GRIA1: variants seen among roughly 807,000 people sequenced by gnomAD.
GRIA1 encodes glutamate receptor 1.
In GRIA1, 31 loss-of-function variants were observed where a neutral mutation model predicts 99.2. That is an observed-to-expected ratio of 0.31 (90% CI 0.23 to 0.42). GRIA1 has a LOEUF of 0.42. Ranked by LOEUF, GRIA1 falls within the 10% of genes least tolerant of loss-of-function variation. The pLI is 1.00. For synonymous variants in GRIA1, 438 were observed against 432.4 expected, an observed-to-expected ratio of 1.01 and a Z score of -0.16; for missense variants, 782 against 1,157.5, an observed-to-expected ratio of 0.68 and a Z score of 4.71.
chr5:153,723,777 A>T (rs1197489134), intron 11 of GRIA1, among the ~76,000 whole-genome samples: 7 of 151,674 alleles, frequency 4.6e-5, no homozygotes, highest in Admixed American at 4.6e-4. Context: ...CAGCTCAAGG[A>T]GGCCTGCCTG....
chr5:153,690,319 G>T (rs1253785910), intron 8 of GRIA1, among the ~76,000 whole-genome samples: 1 of 151,904 alleles, frequency 6.6e-6, no homozygotes, highest in Non-Finnish European at 1.5e-5. Context: ...CACTGACAGG[G>T]TGGCTAAGAG....
At chr5:153,630,799 A>T (rs977678542) in intron 2 of GRIA1, among the ~76,000 whole-genome samples, 1 of 152,202 alleles carries the variant, frequency 6.6e-6, no homozygotes, top group African/African-American at 2.4e-5. Flanking sequence ...CCCCAGTTGT[A>T]GGCTATGTAG....
At chr5:153,619,791 C>T (rs1398470391) in intron 2 of GRIA1, among the ~76,000 whole-genome samples, 4 of 152,118 alleles carry the variant, frequency 2.6e-5, no homozygotes, top group Admixed American at 2.6e-4. Context: ...AAATCTGAGG[C>T]AGGTCAGGGA....
At chr5:153,629,498 C>T (rs757323080) in intron 2 of GRIA1, among the ~76,000 whole-genome samples, 37 of 152,212 alleles carry the variant, frequency 2.4e-4, no homozygotes, top group Non-Finnish European at 4.8e-4. Context: ...TCTCCTGCTC[C>T]CCTGAAACCA....
intron 2 of GRIA1, among the ~76,000 whole-genome samples, chr5:153,558,801 A>T (rs1760871813): frequency 6.6e-6 from 1 of 152,146 alleles, no homozygotes; most frequent in Non-Finnish European, 1.5e-5. Context: ...TAATGTATCT[A>T]TAATTTTTTT....
At chr5:153,614,066 T>A (rs1766248894) in intron 2 of GRIA1, among the ~76,000 whole-genome samples, 1 of 152,204 alleles carries the variant, frequency 6.6e-6, no homozygotes, top group Non-Finnish European at 1.5e-5. Flanking sequence ...CATACATAGG[T>A]GCACACACCT....
intron 13 of GRIA1, among the ~76,000 whole-genome samples, chr5:153,788,735 G>A (rs7726352): frequency 0.3 from 46,290 of 152,064 alleles, 7,490 homozygotes; most frequent in South Asian, 0.41. Flanking sequence ...TTATGCATTA[G>A]TACATACCTA....
chr5:153,499,587 C>T (rs1317382477), intron 2 of GRIA1, among the ~76,000 whole-genome samples: 3 of 130,282 alleles, frequency 2.3e-5, no homozygotes. Context: ...TGCACTCCAG[C>T]CTGGCAACAG....
intron 5 of GRIA1, among the ~76,000 whole-genome samples, 170 bp from the exon 6 acceptor site, chr5:153,674,330 G>A (rs756895645): frequency 6.7e-6 from 1 of 148,292 alleles, no homozygotes; most frequent in Non-Finnish European, 1.5e-5. Context: ...TGCTAATTTT[G>A]TGCACAAACT....
chr5:153,695,379 G>A (rs750269205), intron 8 of GRIA1, among the ~76,000 whole-genome samples: 4 of 152,140 alleles, frequency 2.6e-5, no homozygotes, highest in Non-Finnish European at 2.9e-5. Flanking sequence ...CAACTCTTGC[G>A]GGGAATCCCA....
chr5:153,789,519 CTAAT>C (rs2149651972), intron 13 of GRIA1, among the ~76,000 whole-genome samples: 1 of 152,172 alleles, frequency 6.6e-6, no homozygotes, highest in East Asian at 1.9e-4. Context: ...TGAAGAATAT[CTAAT>C]TAACTGCAGT....
chr5:153,556,950 C>T (rs550906472), intron 2 of GRIA1, among the ~76,000 whole-genome samples: 8 of 152,172 alleles, frequency 5.3e-5, no homozygotes, highest in Non-Finnish European at 8.8e-5. Context: ...ATTATAGCTC[C>T]TAGACTACAA....
rs116580761 is a variant in GRIA1 at position 153,776,923 on chromosome 5, G to A, written c.2270+6508G>A. Among the ~76,000 whole-genome samples the A allele has an allele frequency of 2.9e-3, 445 of 152,192 alleles. 3 individuals carry two copies. Among genetic ancestry groups the A allele is most frequent in the African/African-American group, 1.0e-2 (415 of 41,506 alleles). On this transcript the variant is annotated intron_variant, in intron 13 of 15. Transcript: ENST00000285900. The stretch of plus-strand genomic sequence containing the variant: ...CCCTGGAATCCTTTTTTTGCCTAAT[G>A]CTAACCTGAGTGCTACAGAAGGCCA...
upstream of GRIA1, chr5:153,490,462 G>T (rs937750781): frequency 4.5e-6 from 1 of 221,470 alleles, no homozygotes; most frequent in African/African-American, 2.3e-5. Context: ...GAGGATGGGA[G>T]GAAGGGGGAA....
chr5:153,702,418 C>T (rs1412840907), intron 10 of GRIA1, among the ~76,000 whole-genome samples: 3 of 152,238 alleles, frequency 2.0e-5, no homozygotes, highest in East Asian at 1.9e-4. Context: ...AAACAAGGAA[C>T]GTGAATTCTT....
chr5:153,757,980 T>C (rs965180237), intron 11 of GRIA1, among the ~76,000 whole-genome samples: 3 of 152,028 alleles, frequency 2.0e-5, no homozygotes, highest in Non-Finnish European at 4.4e-5. Flanking sequence ...CTATGAAAAA[T>C]AACAATAACT....
At chr5:153,711,714 A>T (rs1759326288) in intron 11 of GRIA1, among the ~76,000 whole-genome samples, 1 of 152,156 alleles carries the variant, frequency 6.6e-6, no homozygotes, top group African/African-American at 2.4e-5. Context: ...AAATGAACTG[A>T]GAGTGAGCTT....
At chr5:153,786,695 G>T (rs1764980981) in intron 13 of GRIA1, among the ~76,000 whole-genome samples, 1 of 152,082 alleles carries the variant, frequency 6.6e-6, no homozygotes, top group Non-Finnish European at 1.5e-5. Flanking sequence ...TGAACTGCCT[G>T]CTAGATGCCA....
intron 2 of GRIA1, among the ~76,000 whole-genome samples, chr5:153,620,954 C>T (rs1274435641): frequency 1.3e-5 from 2 of 152,018 alleles, no homozygotes; most frequent in Non-Finnish European, 2.9e-5. Flanking sequence ...ACCAACCAAC[C>T]AAAACAGTGA....
Sources: gnomAD v4.1 joint callset for allele counts (sites outside exome capture counted in the v4.1 genomes callset) on GRCh38, gnomAD v4.1.1 for gene constraint, MANE v1.5 for transcripts, NCBI Gene and HGNC (gene_info 2026-07-23, HGNC 2026-07-21) for gene names.